Variants in STPG2 observed in about 807,000 individuals in gnomAD.
STPG2 encodes sperm tail PG-rich repeat containing 2.
Under a neutral mutation model 54.2 loss-of-function variants are expected in STPG2, and 56 were observed. The observed-to-expected ratio is 1.03, with a 90% CI of 0.83 to 1.29. STPG2 has a LOEUF of 1.29. Among genes scored for constraint, STPG2 ranks in the 50% most tolerant of loss-of-function variants. The pLI, the probability that STPG2 is intolerant of heterozygous loss-of-function variation, is 0.00. For missense variants in STPG2, 596 were observed against 544.9 expected, an observed-to-expected ratio of 1.09 and a Z score of -0.93; for synonymous variants, 200 against 181.8, an observed-to-expected ratio of 1.10 and a Z score of -0.81.
intron 7 of STPG2, among the ~76,000 whole-genome samples, chr4:97,961,221 T>C (rs1041853028): frequency 1.2e-4 from 18 of 152,070 alleles, no homozygotes; most frequent in African/African-American, 3.6e-4. Context: ...AGAACTTAAA[T>C]CTAAGATCTG....
At chr4:97,524,260 C>T (rs986101370) in intron 4 of STPG2, among the ~76,000 whole-genome samples, 2 of 151,926 alleles carry the variant, frequency 1.3e-5, no homozygotes, top group Non-Finnish European at 2.9e-5. Flanking sequence ...TATGATCTCC[C>T]TATAGTAAAA....
intron 4 of STPG2, among the ~76,000 whole-genome samples, chr4:97,501,178 T>A (rs1242094838): frequency 1.3e-5 from 2 of 152,000 alleles, no homozygotes; most frequent in Non-Finnish European, 2.9e-5. Flanking sequence ...GAGAAAATAT[T>A]TAGATCAAAA....
At chr4:97,739,892 C>T (rs1578522935) in intron 9 of STPG2, among the ~76,000 whole-genome samples, 2 of 151,942 alleles carry the variant, frequency 1.3e-5, no homozygotes, top group Non-Finnish European at 2.9e-5. Context: ...ATACCAAAGC[C>T]GGGCAGAGAC....
chr4:97,652,997 T>C (rs534553693), intron 10 of STPG2, among the ~76,000 whole-genome samples: 2 of 151,866 alleles, frequency 1.3e-5, no homozygotes, highest in Non-Finnish European at 2.9e-5. Flanking sequence ...TTTTCAACAG[T>C]AGGAGTTAAA....
At chr4:98,028,903 G>C (rs769365436) in intron 5 of STPG2, among the ~76,000 whole-genome samples, 1 of 151,966 alleles carries the variant, frequency 6.6e-6, no homozygotes, top group Non-Finnish European at 1.5e-5. Flanking sequence ...CACATAGCTT[G>C]AAATATTTTC....
intron 8 of STPG2, among the ~76,000 whole-genome samples, chr4:97,925,868 C>T (rs1284825770): frequency 6.6e-6 from 1 of 152,118 alleles, no homozygotes; most frequent in Non-Finnish European, 1.5e-5. Context: ...TGAATCCCAG[C>T]TCCATAAGAT....
At chr4:98,064,295 T>C (rs1286571255) in intron 5 of STPG2, among the ~76,000 whole-genome samples, 1 of 152,214 alleles carries the variant, frequency 6.6e-6, no homozygotes, top group Non-Finnish European at 1.5e-5. Flanking sequence ...TTTGACACCA[T>C]AGTTTGACAT....
rs188796388 is a variant in STPG2 at position 98,064,039 on chromosome 4, A to C, written c.612+41914T>G. On this transcript the variant is annotated intron_variant, in intron 5 of 10. Coordinates refer to ENST00000295268, the MANE Select transcript of STPG2 (RefSeq NM_174952.3). ...TATAATAAAAGATATGGAAGTTTTT[A>C]AACATCTAACTCTATATAAAGCTAT... Among the ~76,000 whole-genome samples, 3 of 152,316 alleles carry C rather than the reference A, an allele frequency of 2.0e-5. No homozygotes were observed. In the East Asian group the frequency reaches 5.8e-4, roughly 29 times the overall value.
intron 8 of STPG2, 80 bp from the exon 9 acceptor site, chr4:97,841,012 G>T (rs1728787216): frequency 1.5e-6 from 2 of 1,366,334 alleles, no homozygotes; most frequent in African/African-American, 1.5e-5. Flanking sequence ...GATGGTTACA[G>T]TAAGCAATGA....
intron 4 of STPG2, among the ~76,000 whole-genome samples, chr4:97,485,161 C>T (rs1730322122): frequency 6.6e-6 from 1 of 151,756 alleles, no homozygotes; most frequent in Admixed American, 6.6e-5. Context: ...GAAGGATGTC[C>T]ACTCTCACCA....
chr4:97,900,150 C>T (rs981139969), intron 8 of STPG2, among the ~76,000 whole-genome samples: 3 of 152,050 alleles, frequency 2.0e-5, no homozygotes, highest in East Asian at 3.8e-4. Context: ...ATACATGCAG[C>T]CAACAAGCAT....
intron 4 of STPG2, among the ~76,000 whole-genome samples, chr4:97,469,615 G>A (rs562091764): frequency 1.3e-5 from 2 of 151,954 alleles, no homozygotes; most frequent in South Asian, 2.1e-4. Flanking sequence ...AGCGGCAGTC[G>A]TACATTTGCA....
chr4:97,860,158 T>G (rs757356907), intron 8 of STPG2, among the ~76,000 whole-genome samples: 2 of 152,216 alleles, frequency 1.3e-5, no homozygotes, highest in Non-Finnish European at 2.9e-5. Flanking sequence ...AGTTCGGTAA[T>G]GTGATGCCTC....
At chr4:97,943,814 G>T in intron 8 of STPG2, 83 bp downstream of exon 8, 1 of 1,019,188 alleles carries the variant, frequency 9.8e-7, no homozygotes, top group Non-Finnish European at 1.4e-6. Context: ...ACCTCACTCA[G>T]GTCCTAATAT....
At chr4:97,564,526 C>T (rs1293746709) in intron 10 of STPG2, among the ~76,000 whole-genome samples, 1 of 152,160 alleles carries the variant, frequency 6.6e-6, no homozygotes, top group Non-Finnish European at 1.5e-5. Flanking sequence ...TTCTTCCTAG[C>T]ATCGATGGTC....
chr4:97,465,834 A>G (rs945048049), intron 4 of STPG2, among the ~76,000 whole-genome samples: 3 of 151,672 alleles, frequency 2.0e-5, no homozygotes, highest in Non-Finnish European at 4.4e-5. Flanking sequence ...TTTTTGATCC[A>G]TGGTTGGTGA....
chr4:97,627,648 T>C (rs1734168000), intron 10 of STPG2, among the ~76,000 whole-genome samples: 2 of 152,172 alleles, frequency 1.3e-5, no homozygotes, highest in Admixed American at 1.3e-4. Context: ...CTTTCTCTTT[T>C]CATTTTCTAT....
chr4:97,585,101 C>CAAAAAAAAAAAAAAAAAA, intron 10 of STPG2, among the ~76,000 whole-genome samples: 1 of 46,254 alleles, frequency 2.2e-5, no homozygotes, highest in Non-Finnish European at 3.4e-5. Flanking sequence ...AAAATATTCT[C>CAAAAAAAAAAAAAAAAAA]AAAAAAAAAA....
At chr4:97,542,711 G>A (rs942201855) in intron 4 of STPG2, among the ~76,000 whole-genome samples, 3 of 152,050 alleles carry the variant, frequency 2.0e-5, no homozygotes, top group African/African-American at 7.2e-5. Context: ...CAAATACTTG[G>A]AACGAACCGA....
Sources: allele counts gnomAD v4.1 joint callset (sites outside exome capture counted in the v4.1 genomes callset), GRCh38; gene constraint gnomAD v4.1.1; transcripts MANE v1.5; gene names NCBI Gene and HGNC (gene_info 2026-07-23, HGNC 2026-07-21).